Variants in ANXA9 observed in about 807,000 individuals in gnomAD.
The protein encoded by ANXA9 is annexin A9.
In ANXA9, 47 loss-of-function variants were observed where a neutral mutation model predicts 51.8. The ratio of observed to expected loss-of-function variants is 0.91; its 90% confidence interval spans 0.72 to 1.16. The LOEUF is 1.16. Ranked by LOEUF, ANXA9 falls within the 50% of genes most tolerant of loss-of-function variation. ANXA9 has a pLI of 0.00. For synonymous variants in ANXA9, 154 were observed against 168.7 expected (o/e 0.91, Z 0.68); for missense variants, 361 against 424.7 (o/e 0.85, Z 1.32).
At chr1:150,985,022 G>T (rs1250098401) in intron 7 of ANXA9, among the ~76,000 whole-genome samples, 1 of 151,942 alleles carries the variant, frequency 6.6e-6, no homozygotes, top group Admixed American at 6.6e-5. Flanking sequence ...AAAACCAGCT[G>T]GTCATGGTGG....
chr1:150,985,178 T>TCG (rs1553245692), intron 7 of ANXA9, among the ~76,000 whole-genome samples: 1 of 143,160 alleles, frequency 7.0e-6, no homozygotes, highest in South Asian at 2.2e-4. Context: ...TCTCTCTCTC[T>TCG]CTCTCTCTCT....
Position 150,984,654 on chromosome 1 carries a change from G to A in ANXA9, c.450G>A (p.Glu150=). ...LATRTPPQLQ[E]CLAVYKHNFQ... Reference sequence around the variant, plus strand: ...CTCGAACCCCACCCCAGCTGCAGGAGTGCCTGGCAGTCTACAAACACAGTA... The same window carrying A: ...CTCGAACCCCACCCCAGCTGCAGGAATGCCTGGCAGTCTACAAACACAGTA... The change falls in exon 7 of 14, where the codon GAG becomes GAA. Residue 150 remains glutamate, a synonymous_variant. Coordinates refer to ENST00000368947, the MANE Select transcript of ANXA9 (RefSeq NM_003568.3). The A allele has an allele frequency of 6.2e-7, 1 of 1,614,064 alleles. No individual in the cohort carries two copies.
Position 150,994,685 on chromosome 1 carries a change from T to C in ANXA9, c.961T>C (p.Tyr321His), listed in dbSNP as rs1425903857. The change falls in exon 13 of 14, where the codon TAC becomes CAC. Residue 321 changes from tyrosine to histidine, a missense_variant. Physicochemically the swap from Tyr to His is moderately conservative, Grantham distance 83. Transcript: ENST00000368947. ...CAGGAAGAAATTTGGGAAGTCCCTCTACTCTTCTCTCCAGGTGAAACTTGG... is the reference window on the plus strand; with the variant it reads ...CAGGAAGAAATTTGGGAAGTCCCTCCACTCTTCTCTCCAGGTGAAACTTGG... Reference protein sequence around the residue: ...EFRKKFGKSLYSSLQDAVKGD... With the variant: ...EFRKKFGKSLHSSLQDAVKGD... 1 of 1,614,046 alleles carries C rather than the reference T, an allele frequency of 6.2e-7. No homozygotes were observed. Among genetic ancestry groups the C allele is most frequent in the South Asian group, 1.1e-5 (1 of 91,086 alleles).
At chr1:150,989,919 C>T (rs587601704) in intron 12 of ANXA9, among the ~76,000 whole-genome samples, 7 of 152,294 alleles carry the variant, frequency 4.6e-5, no homozygotes, top group African/African-American at 1.7e-4. Context: ...AAATTCCTGT[C>T]ATAAATACAA....
upstream of ANXA9, among the ~76,000 whole-genome samples, chr1:150,978,671 G>A (rs587706701): frequency 6.6e-6 from 1 of 151,758 alleles, no homozygotes; most frequent in South Asian, 2.1e-4. Context: ...TAATGAAAAG[G>A]TAGTAGATTA....
intron 5 of ANXA9, 106 bp downstream of exon 5, chr1:150,984,175 A>G: frequency 1.3e-6 from 2 of 1,530,704 alleles, no homozygotes; most frequent in Non-Finnish European, 1.8e-6. Flanking sequence ...TTCCTGGCTA[A>G]ACAGGGCCTG....
In ANXA9 at chr1:150,986,644, G is replaced by GAAT; in HGVS notation, c.595_596insAAT (p.Ala199delinsGluSer). The GAAT allele has an allele frequency of 6.3e-7, 1 of 1,598,424 alleles. No individual in the cohort carries two copies. Among genetic ancestry groups the GAAT allele is most frequent in the African/African-American group, 1.4e-5 (1 of 73,772 alleles). ...CTCTGGAATCATTGACTATAATCTGGCAGAACAAGATGTCCAGGTGAGCAG... is the reference window on the plus strand; with the variant it reads ...CTCTGGAATCATTGACTATAATCTGGAATCAGAACAAGATGTCCAGGTGAGCAG... On this transcript the variant is annotated protein_altering_variant, in exon 9 of 14. Coordinates refer to ENST00000368947, the MANE Select transcript of ANXA9 (RefSeq NM_003568.3).
intron 13 of ANXA9, 95 bp downstream of exon 13, chr1:150,994,794 A>C (rs769412154): frequency 2.6e-6 from 4 of 1,542,538 alleles, no homozygotes; most frequent in Non-Finnish European, 3.5e-6. Flanking sequence ...TTCTTGCCCC[A>C]TAGAAAACCC....
rs1671821986 is a variant in ANXA9, at chr1:150,995,223, G to A, written c.976-37G>A. 3.8e-6 allele frequency: 6 copies of A among 1,593,934 alleles called. No individual in the cohort carries two copies. In the African/African-American group the frequency reaches 5.4e-5, roughly 14 times the overall value. On this transcript the variant is annotated intron_variant, in intron 13 of 13. Transcript: ENST00000368947. ...GAGAGAGCACTTGGGCCATAGTGGT[G>A]GTGGATCTTTCTAACACTGAATTCC... is the stretch of plus-strand genomic sequence containing the variant.
At position 150,985,939 on chromosome 1, in the gene ANXA9, T is replaced by C. The variant is rs587684855; in HGVS notation, c.473-397T>C. Among the ~76,000 whole-genome samples the C allele has an allele frequency of 1.1e-3, 172 of 152,218 alleles. 2 individuals are homozygous for C. The Middle Eastern group carries it at 0.024, about 21-fold the overall frequency. On this transcript the variant is annotated intron_variant, in intron 7 of 13. Transcript: ENST00000368947. Reference sequence around the variant, plus strand: ...TGTTTCCCTTTTCTCTTTCTTTTTCTCCCTTTCCTGCTCTTTTCCTTCCTC... The same window carrying C: ...TGTTTCCCTTTTCTCTTTCTTTTTCCCCCTTTCCTGCTCTTTTCCTTCCTC...
upstream of ANXA9, chr1:150,982,078 C>T (rs765506557): frequency 6.6e-6 from 1 of 152,348 alleles, no homozygotes; most frequent in African/African-American, 2.4e-5. Context: ...GAGGCTGAGC[C>T]GCTGAGAGGC....
chr1:150,985,857 G>A lies in ANXA9; in HGVS notation c.473-479G>A, dbSNP rs949695819. 2.0e-5 allele frequency among the ~76,000 whole-genome samples: 3 copies of A among 152,216 alleles called. No homozygotes were observed. The South Asian group carries it at 6.2e-4, about 32-fold the overall frequency. On this transcript the variant is annotated intron_variant, in intron 7 of 13. Transcript: ENST00000368947. Reference sequence around the variant, plus strand: ...GCTGGGATTACAAGCATGAGCCACCGCCCTGGCCGTGGCCTATGTTCTTAA... The same window carrying A: ...GCTGGGATTACAAGCATGAGCCACCACCCTGGCCGTGGCCTATGTTCTTAA...
chr1:150,983,414 T>G lies in ANXA9; in HGVS notation c.152T>G (p.Leu51Arg), dbSNP rs587597900. Residue 51 changes from leucine (L) to arginine (R), a missense_variant, in exon 4 of 14, where the codon CTG (leucine) becomes CGG (arginine). Coordinates refer to ENST00000368947, the MANE Select transcript of ANXA9 (RefSeq NM_003568.3). Reference protein sequence around the residue: ...FSVDKDAQRLLRAITGQGVDR... With the variant: ...FSVDKDAQRLRRAITGQGVDR... Reference sequence around the variant, plus strand: ...GTGGACAAGGATGCGCAGAGGCTACTGAGGGCCATTACTGGCCAAGGTGAG... The same window carrying G: ...GTGGACAAGGATGCGCAGAGGCTACGGAGGGCCATTACTGGCCAAGGTGAG... The G allele has an allele frequency of 3.7e-6, 6 of 1,612,686 alleles. No homozygotes were observed. The highest frequency in any genetic ancestry group is 5.1e-6 in the Non-Finnish European group (6 of 1,179,384).
At chr1:150,990,904 G>C (rs1473549385) in intron 12 of ANXA9, among the ~76,000 whole-genome samples, 3 of 152,020 alleles carry the variant, frequency 2.0e-5, no homozygotes, top group African/African-American at 7.2e-5. Flanking sequence ...CAGCACTTTG[G>C]GAGGCCAAGG....
At chr1:150,981,524 G>A (rs1671415993), upstream of ANXA9, among the ~76,000 whole-genome samples, 1 of 152,226 alleles carries the variant, frequency 6.6e-6, no homozygotes, top group Non-Finnish European at 1.5e-5. Context: ...CTCAAGTCCA[G>A]CTGCTGGGGT....
At position 150,984,195 on chromosome 1, in the gene ANXA9, C is replaced by G; in HGVS notation, c.268-86C>G. 2.6e-6 allele frequency: 4 copies of G among 1,537,700 alleles called. No individual in the cohort carries two copies. The Admixed American group carries it at 6.9e-5, about 27-fold the overall frequency. On this transcript the variant is annotated intron_variant, in intron 5 of 13. Coordinates refer to ENST00000368947, the MANE Select transcript of ANXA9 (RefSeq NM_003568.3). ...GGCTAAACAGGGCCTGAGATGAAAA[C>G]CAGCCAAATCTTCCCAAACCTCCCC...
Position 150,986,247 on chromosome 1 carries a change from G to A in ANXA9, c.473-89G>A. 1.7e-6 allele frequency: 2 copies of A among 1,162,212 alleles called. 1 individual carries two copies. The highest frequency in any genetic ancestry group is 2.6e-6 in the Non-Finnish European group (2 of 777,074). The allele number at this position is 1,162,212 out of a possible 1,614,324, so 72.0% of individuals were successfully genotyped here. On this transcript the variant is annotated intron_variant, in intron 7 of 13. Transcript: ENST00000368947. Reference sequence around the variant, plus strand: ...AGCAGGGGCTAGCAGGGCTGGCAGGGTATAGCGGGTCAGGCATTTGGCAGG... The same window carrying A: ...AGCAGGGGCTAGCAGGGCTGGCAGGATATAGCGGGTCAGGCATTTGGCAGG...
In ANXA9 at chr1:150,988,299, C is replaced by G. The variant is rs748783160; in HGVS notation, c.810C>G (p.Asn270Lys). The change falls in exon 12 of 14, where the codon AAC becomes AAG. Residue 270 changes from asparagine (N) to lysine (K), a missense_variant. Asn to Lys is a moderately conservative substitution (Grantham distance 94). Coordinates refer to ENST00000368947, the MANE Select transcript of ANXA9 (RefSeq NM_003568.3). Reference protein sequence around the residue: ...ALLGLASVIKNTPLYFADKLH... With the variant: ...ALLGLASVIKKTPLYFADKLH... ...TGTTTCCAGCTTCGGTGATCAAGAA[C>G]ACACCGCTGTACTTTGCTGACAAAC... The G allele has an allele frequency of 1.9e-6, 3 of 1,614,166 alleles. No homozygotes were observed. The highest frequency in any genetic ancestry group is 2.2e-5 in the South Asian group (2 of 91,084).
intron 9 of ANXA9, 24 bp downstream of exon 9, chr1:150,986,685 G>T (rs775643959): frequency 6.4e-7 from 1 of 1,566,920 alleles, no homozygotes; most frequent in South Asian, 1.2e-5. Flanking sequence ...TTAGGAGTGT[G>T]CACAGCCGCC....
Sources: gnomAD v4.1 joint callset for allele counts (sites outside exome capture counted in the v4.1 genomes callset) on GRCh38, gnomAD v4.1.1 for gene constraint, MANE v1.5 for transcripts, NCBI Gene and HGNC (gene_info 2026-07-23, HGNC 2026-07-21) for gene names.